The following ZNF704 variants were observed in gnomAD, a reference collection of about 807,000 sequenced individuals.
ZNF704 encodes the protein glucocorticoid induced gene 1.
A neutral mutation model predicts 44.7 loss-of-function variants in ZNF704; 10 were observed. That is an observed-to-expected ratio of 0.22 (90% CI 0.14 to 0.38). The LOEUF (loss-of-function observed/expected upper bound fraction) is 0.38, where lower values mean the gene tolerates loss of function less well. Among genes scored for constraint, ZNF704 ranks in the 10% least tolerant of loss-of-function variants. ZNF704 has a pLI of 1.00. For missense variants in ZNF704, 390 were observed against 545.5 expected (o/e 0.71, Z 2.84); for synonymous variants, 211 against 207.6 (o/e 1.02, Z -0.14).
chr8:80,662,738 C>T (rs1012331598), intron 6 of ZNF704, among the ~76,000 whole-genome samples: 1 of 152,270 alleles, frequency 6.6e-6, no homozygotes, highest in South Asian at 2.1e-4. Context: ...AAACTGTTCC[C>T]TCATATTACA....
rs116450764 is a variant in ZNF704 at position 80,860,541 on chromosome 8, A to T, written c.-22+14030T>A. ...TACCAACATTTTGTATGGAAAAAAT[A>T]CCAAATATTTTTGTCAAAAGATTAT... On this transcript the variant is annotated intron_variant, in intron 1 of 8. Coordinates refer to ENST00000327835, the MANE Select transcript of ZNF704 (RefSeq NM_001033723.3). Among the ~76,000 whole-genome samples the T allele has an allele frequency of 4.1e-3, 618 of 152,328 alleles. 6 individuals carry two copies. The highest frequency in any genetic ancestry group is 0.014 in the African/African-American group (593 of 41,566).
intron 2 of ZNF704, among the ~76,000 whole-genome samples, chr8:80,796,984 G>GGACT (rs1807815890): frequency 6.8e-6 from 1 of 147,104 alleles, no homozygotes; most frequent in Admixed American, 6.7e-5. Context: ...AGGGAGGGAG[G>GGACT]GAGGGAGGAA....
upstream of ZNF704, among the ~76,000 whole-genome samples, chr8:80,876,145 T>A (rs1371488997): frequency 6.6e-6 from 1 of 152,114 alleles, no homozygotes; most frequent in African/African-American, 2.4e-5. Context: ...CCACACACCC[T>A]CCCTTTCCCT....
At chr8:80,808,428 T>C (rs764661197) in intron 2 of ZNF704, among the ~76,000 whole-genome samples, 1 of 152,258 alleles carries the variant, frequency 6.6e-6, no homozygotes, top group African/African-American at 2.4e-5. Flanking sequence ...TGTAGCAACA[T>C]CAACTCCAAA....
At chr8:80,715,796 T>C (rs1819063809) in intron 2 of ZNF704, among the ~76,000 whole-genome samples, 1 of 152,154 alleles carries the variant, frequency 6.6e-6, no homozygotes, top group Non-Finnish European at 1.5e-5. Context: ...TTATTGAGTC[T>C]GGGCTGGGCG....
chr8:80,673,893 C>T (rs183115960), intron 4 of ZNF704, among the ~76,000 whole-genome samples: 3 of 152,346 alleles, frequency 2.0e-5, no homozygotes, highest in African/African-American at 7.2e-5. Context: ...CCAGGGCCCA[C>T]TGTGCCCCAG....
chr8:80,798,609 A>G (rs1186131836), intron 2 of ZNF704, among the ~76,000 whole-genome samples: 1 of 152,252 alleles, frequency 6.6e-6, no homozygotes, highest in Non-Finnish European at 1.5e-5. Context: ...CCAGTCTCTA[A>G]GAAGATCCAA....
intron 1 of ZNF704, among the ~76,000 whole-genome samples, chr8:80,855,916 G>T (rs557923821): frequency 1.3e-5 from 2 of 152,264 alleles, no homozygotes; most frequent in Admixed American, 1.3e-4. Flanking sequence ...TTGCTTCAAA[G>T]AAATGCTCTC....
At chr8:80,808,614 C>A (rs2129825101) in intron 2 of ZNF704, among the ~76,000 whole-genome samples, 1 of 152,272 alleles carries the variant, frequency 6.6e-6, no homozygotes, top group East Asian at 1.9e-4. Context: ...GGTTAAGAAG[C>A]CCAACAGAGG....
intron 6 of ZNF704, among the ~76,000 whole-genome samples, chr8:80,661,336 C>A (rs1222486137): frequency 1.3e-5 from 2 of 152,112 alleles, no homozygotes; most frequent in African/African-American, 4.8e-5. Context: ...CTTTTATATA[C>A]TGTTGGTAAG....
chr8:80,738,306 A>T (rs1185116920), intron 2 of ZNF704, among the ~76,000 whole-genome samples: 2 of 152,176 alleles, frequency 1.3e-5, no homozygotes, highest in Admixed American at 1.3e-4. Flanking sequence ...AGGTTCAGGG[A>T]TATAGATACT....
chr8:80,853,562 A>T (rs568236505), intron 1 of ZNF704, among the ~76,000 whole-genome samples: 91 of 152,116 alleles, frequency 6.0e-4, no homozygotes, highest in African/African-American at 1.2e-3. Context: ...AAAAAAAATT[A>T]AAAAAAAGAC....
chr8:80,668,910 C>T (rs1563512435), intron 5 of ZNF704, among the ~76,000 whole-genome samples: 1 of 152,174 alleles, frequency 6.6e-6, no homozygotes, highest in Non-Finnish European at 1.5e-5. Context: ...CATAGATTAG[C>T]CTCAGAGTCC....
intron 2 of ZNF704, among the ~76,000 whole-genome samples, chr8:80,760,759 G>A (rs190497545): frequency 1.3e-5 from 2 of 152,016 alleles, no homozygotes. Flanking sequence ...CATAGGTCCT[G>A]CAGGCTGTAC....
chr8:80,775,702 G>T (rs535007399), intron 2 of ZNF704, among the ~76,000 whole-genome samples: 2 of 152,152 alleles, frequency 1.3e-5, no homozygotes. Context: ...TAGGGTGGAA[G>T]AAATGCAAAA....
intron 2 of ZNF704, among the ~76,000 whole-genome samples, chr8:80,714,730 T>G (rs1819045131): frequency 6.6e-6 from 1 of 152,200 alleles, no homozygotes; most frequent in South Asian, 2.1e-4. Flanking sequence ...ATAAGTCACC[T>G]TCTAAGTGCA....
At chr8:80,749,730 C>T (rs1190450664) in intron 2 of ZNF704, 3 of 152,864 alleles carry the variant, frequency 2.0e-5, no homozygotes, top group East Asian at 3.9e-4. Flanking sequence ...TAGAGAAAAA[C>T]CCAGGGCTTG....
chr8:80,777,990 C>T (rs1586020308), intron 2 of ZNF704, among the ~76,000 whole-genome samples: 4 of 151,968 alleles, frequency 2.6e-5, no homozygotes, highest in South Asian at 2.1e-4. Flanking sequence ...AACCACAACG[C>T]CATTACTGTA....
At chr8:80,674,939 G>C (rs1563514526) in intron 4 of ZNF704, among the ~76,000 whole-genome samples, 1 of 152,222 alleles carries the variant, frequency 6.6e-6, no homozygotes, top group African/African-American at 2.4e-5. Context: ...AGTCATGATA[G>C]ATGAAAACAC....
Sources: allele counts gnomAD v4.1 joint callset (sites outside exome capture counted in the v4.1 genomes callset), GRCh38; gene constraint gnomAD v4.1.1; transcripts MANE v1.5; gene names NCBI Gene and HGNC (gene_info 2026-07-23, HGNC 2026-07-21).